Variants in ZNF385B observed in about 807,000 individuals in gnomAD.
The protein encoded by ZNF385B is zinc finger protein 385B.
A neutral mutation model predicts 39.2 loss-of-function variants in ZNF385B; 23 were observed. The ratio of observed to expected loss-of-function variants is 0.59; its 90% CI spans 0.42 to 0.83. ZNF385B has a LOEUF of 0.83. Among genes scored for constraint, ZNF385B ranks in the 40% least tolerant of loss-of-function variants. The pLI, the probability that ZNF385B is intolerant of heterozygous loss-of-function variation, is 0.00. For missense variants in ZNF385B, 552 were observed against 598.9 expected, an observed-to-expected ratio of 0.92 and a Z score of 0.82; for synonymous variants, 205 against 222.6, an observed-to-expected ratio of 0.92 and a Z score of 0.70.
At chr2:179,653,200 A>G (rs575166292) in intron 3 of ZNF385B, among the ~76,000 whole-genome samples, 1 of 152,188 alleles carries the variant, frequency 6.6e-6, no homozygotes, top group Non-Finnish European at 1.5e-5. Context: ...GAACATCAGG[A>G]GACCATCAAA....
intron 3 of ZNF385B, among the ~76,000 whole-genome samples, chr2:179,671,953 T>G (rs1271339801): frequency 6.6e-6 from 1 of 152,258 alleles, no homozygotes; most frequent in Non-Finnish European, 1.5e-5. Context: ...CCTGATACCC[T>G]GGGGTGGTAG....
At chr2:179,532,395 C>T (rs1011234117) in intron 4 of ZNF385B, among the ~76,000 whole-genome samples, 7 of 152,142 alleles carry the variant, frequency 4.6e-5, no homozygotes, top group Admixed American at 2.6e-4. Context: ...GCCATGGATA[C>T]GGCACCAAGA....
intron 1 of ZNF385B, among the ~76,000 whole-genome samples, chr2:179,819,551 C>T (rs1707277065): frequency 6.6e-6 from 1 of 152,190 alleles, no homozygotes; most frequent in Non-Finnish European, 1.5e-5. Context: ...TCTTGGCCAA[C>T]CTAATTCAAT....
At chr2:179,491,546 A>G (rs541501699) in intron 5 of ZNF385B, among the ~76,000 whole-genome samples, 5 of 152,220 alleles carry the variant, frequency 3.3e-5, no homozygotes, top group Non-Finnish European at 5.9e-5. Flanking sequence ...GTCTACTAAC[A>G]TAATCTTAAA....
chr2:179,665,387 A>G (rs1366387460), intron 3 of ZNF385B, among the ~76,000 whole-genome samples: 1 of 152,232 alleles, frequency 6.6e-6, no homozygotes, highest in Non-Finnish European at 1.5e-5. Context: ...AATCCAGCTC[A>G]GAGACTGGCT....
intron 1 of ZNF385B, among the ~76,000 whole-genome samples, chr2:179,829,155 C>A (rs878965486): frequency 6.6e-6 from 1 of 152,088 alleles, no homozygotes; most frequent in African/African-American, 2.4e-5. Flanking sequence ...TCCCAAAATA[C>A]AGTAAAAGAC....
chr2:179,565,890 G>A (rs1684510376), intron 3 of ZNF385B, among the ~76,000 whole-genome samples: 2 of 152,180 alleles, frequency 1.3e-5, no homozygotes, highest in Admixed American at 6.5e-5. Flanking sequence ...AACCTGCAAT[G>A]CATTTTATTT....
intron 1 of ZNF385B, among the ~76,000 whole-genome samples, chr2:179,837,275 T>A (rs1454801367): frequency 6.6e-6 from 1 of 152,224 alleles, no homozygotes; most frequent in Non-Finnish European, 1.5e-5. Context: ...GATAATGAAC[T>A]ATCAATCATT....
At position 179,658,080 on chromosome 2, in the gene ZNF385B, G is replaced by T. The variant is rs192655169; in HGVS notation, c.298+111423C>A. ...TATTTTATGATTTTGCATGTGAGAA[G>T]CTACTGCATAGATGAATTCAACTGC... On this transcript the variant is annotated intron_variant, in intron 3 of 9. Coordinates refer to ENST00000410066, the MANE Select transcript of ZNF385B (RefSeq NM_152520.6). Among the ~76,000 whole-genome samples the T allele has an allele frequency of 3.2e-3, 493 of 152,348 alleles. 1 individual carries two copies. Among genetic ancestry groups the T allele is most frequent in the Non-Finnish European group, 4.4e-3 (301 of 68,028 alleles).
At chr2:179,723,013 TCACAAC>T (rs1700788684) in intron 3 of ZNF385B, among the ~76,000 whole-genome samples, 1 of 152,188 alleles carries the variant, frequency 6.6e-6, no homozygotes, top group African/African-American at 2.4e-5. Flanking sequence ...AGATAGCATT[TCACAAC>T]CACCAGATTG....
chr2:179,497,008 C>G (rs2056289155), intron 5 of ZNF385B, among the ~76,000 whole-genome samples: 2 of 152,180 alleles, frequency 1.3e-5, no homozygotes, highest in Admixed American at 6.5e-5. Context: ...GAGATCACAC[C>G]ACTGCATTCC....
chr2:179,738,690 T>G (rs765969650), intron 3 of ZNF385B, among the ~76,000 whole-genome samples: 1 of 152,204 alleles, frequency 6.6e-6, no homozygotes, highest in Non-Finnish European at 1.5e-5. Flanking sequence ...GATTCCTAGA[T>G]AGCAGCTGCA....
chr2:179,658,115 TTTAAAAAATA>T (rs2106267415), intron 3 of ZNF385B, among the ~76,000 whole-genome samples: 1 of 152,226 alleles, frequency 6.6e-6, no homozygotes, highest in East Asian at 1.9e-4. Context: ...CAGGATCCCT[TTTAAAAAATA>T]TGTATCTTCA....
chr2:179,673,755 A>G (rs116229731), intron 3 of ZNF385B, among the ~76,000 whole-genome samples: 1,556 of 152,318 alleles, frequency 0.01, 24 homozygotes, highest in African/African-American at 0.035. Context: ...ATTAAGTGGA[A>G]TCTGTTTAAT....
At chr2:179,849,849 T>C (rs1316847882) in intron 1 of ZNF385B, among the ~76,000 whole-genome samples, 1 of 152,056 alleles carries the variant, frequency 6.6e-6, no homozygotes, top group Non-Finnish European at 1.5e-5. Context: ...GCAAGCACCA[T>C]AAGAGAAACA....
chr2:179,631,264 CAGAG>C lies in ZNF385B; in HGVS notation c.299-86299_299-86296del, dbSNP rs530579230. Among the ~76,000 whole-genome samples the C allele has an allele frequency of 1.3e-3, 198 of 152,234 alleles. 3 individuals carry two copies. The Middle Eastern group carries it at 0.014, about 10-fold the overall frequency. ...TGAAGGAAGAAGTGTTAAGGGCAGCCAGAGAGAAAGGTCAAATTACCTACAAAGA... is the reference window on the plus strand; with the variant it reads ...TGAAGGAAGAAGTGTTAAGGGCAGCCAGAAAGGTCAAATTACCTACAAAGA... On this transcript the variant is annotated intron_variant, in intron 3 of 9. Coordinates refer to ENST00000410066, the MANE Select transcript of ZNF385B (RefSeq NM_152520.6).
Position 179,769,709 on chromosome 2 carries a change from T to C in ZNF385B, c.92A>G (p.Lys31Arg). The C allele has an allele frequency of 6.2e-7, 1 of 1,614,222 alleles. No homozygotes were observed. ...FLRGFEEKGI[K>R]NDRPEDQLSK... is the part of the protein sequence containing the mutation. Reference sequence around the variant, plus strand: ...CAACTGGTCCTCAGGCCTGTCGTTCTTTATCCCCTTTTCTTCAAAGCCCCG... The same window carrying C: ...CAACTGGTCCTCAGGCCTGTCGTTCCTTATCCCCTTTTCTTCAAAGCCCCG... The change falls in exon 3 of 10, where the codon AAG (lysine) becomes AGG (arginine). Residue 31 changes from lysine (K) to arginine (R), a missense_variant. Physicochemically the swap from Lys to Arg is conservative, Grantham distance 26 (BLOSUM62 2). Coordinates refer to ENST00000410066, the MANE Select transcript of ZNF385B (RefSeq NM_152520.6).
chr2:179,518,203 A>G (rs1330522511), intron 5 of ZNF385B, among the ~76,000 whole-genome samples: 1 of 152,210 alleles, frequency 6.6e-6, no homozygotes, highest in Non-Finnish European at 1.5e-5. Context: ...TTAGCCACTT[A>G]TAGACTATTG....
chr2:179,800,216 G>A (rs1164800143), intron 1 of ZNF385B, among the ~76,000 whole-genome samples: 1 of 151,954 alleles, frequency 6.6e-6, no homozygotes, highest in Middle Eastern at 3.2e-3. Context: ...ATAAAACAAT[G>A]AAATTAATCA....
Sources: gnomAD v4.1 joint callset for allele counts (sites outside exome capture counted in the v4.1 genomes callset) on GRCh38, gnomAD v4.1.1 for gene constraint, MANE v1.5 for transcripts, NCBI Gene and HGNC (gene_info 2026-07-23, HGNC 2026-07-21) for gene names.